NUAK1: variants seen among roughly 807,000 people sequenced by gnomAD.
NUAK1 encodes the protein NUAK family SNF1-like kinase 1.
Under a neutral mutation model 56.9 loss-of-function variants are expected in NUAK1, and 26 were observed. The observed-to-expected ratio is 0.46, with a 90% CI of 0.33 to 0.63. The LOEUF is 0.63. Among genes scored for constraint, NUAK1 ranks in the 30% least tolerant of loss-of-function variants. NUAK1 has a pLI of 0.02. For synonymous variants in NUAK1, 337 were observed against 336.0 expected, an observed-to-expected ratio of 1.00 and a Z score of -0.03; for missense variants, 727 against 876.1, an observed-to-expected ratio of 0.83 and a Z score of 2.15.
intron 2 of NUAK1, among the ~76,000 whole-genome samples, chr12:106,089,110 G>A (rs1011694574): frequency 1.3e-5 from 2 of 152,268 alleles, no homozygotes; most frequent in Non-Finnish European, 2.9e-5. Context: ...CACCCCGACT[G>A]CCTCGGGATG....
intron 1 of NUAK1, among the ~76,000 whole-genome samples, chr12:106,113,034 G>C (rs1004660006): frequency 6.6e-6 from 1 of 152,136 alleles, no homozygotes; most frequent in Non-Finnish European, 1.5e-5. Context: ...AAGCAGATTC[G>C]TGCTTGACTG....
Position 106,086,900 on chromosome 12 carries a change from C to G in NUAK1, c.362-15G>C, listed in dbSNP as rs748619143. The G allele has an allele frequency of 5.0e-6, 8 of 1,605,484 alleles. No individual in the cohort carries two copies. The highest frequency in any genetic ancestry group is 1.7e-4 in the Middle Eastern group (1 of 6,024). On this transcript the variant is annotated splice_polypyrimidine_tract_variant and intron_variant, in intron 2 of 6. Transcript: ENST00000261402. Reference sequence around the variant, plus strand: ...GTTCTCAAACACTGCAGAGGGAAAACAGCAATACACAAACACCCCGTTTAG... The same window carrying G: ...GTTCTCAAACACTGCAGAGGGAAAAGAGCAATACACAAACACCCCGTTTAG...
chr12:106,135,391 A>T (rs1326759178), intron 1 of NUAK1, among the ~76,000 whole-genome samples: 1 of 152,248 alleles, frequency 6.6e-6, no homozygotes, highest in African/African-American at 2.4e-5. Flanking sequence ...CAAGCATCTC[A>T]TTCTGCACTT....
intron 1 of NUAK1, among the ~76,000 whole-genome samples, chr12:106,116,408 A>C (rs1323129331): frequency 1.3e-5 from 2 of 152,232 alleles, no homozygotes; most frequent in African/African-American, 4.8e-5. Flanking sequence ...GGTGATTCAC[A>C]ATAAAAGCTA....
intron 2 of NUAK1, among the ~76,000 whole-genome samples, chr12:106,096,155 T>A (rs2032694775): frequency 6.6e-6 from 1 of 151,820 alleles, no homozygotes; most frequent in Admixed American, 6.6e-5. Context: ...GGCAATAGAG[T>A]CTTTTTTTTT....
intron 2 of NUAK1, among the ~76,000 whole-genome samples, chr12:106,097,657 T>C (rs1213172919): frequency 6.6e-6 from 1 of 152,240 alleles, no homozygotes; most frequent in Non-Finnish European, 1.5e-5. Context: ...ACAGCCCTGC[T>C]TTTGTTTCTA....
intron 1 of NUAK1, among the ~76,000 whole-genome samples, chr12:106,116,480 T>G (rs2032918080): frequency 6.6e-6 from 1 of 152,240 alleles, no homozygotes; most frequent in African/African-American, 2.4e-5. Flanking sequence ...AGTACCTTTC[T>G]GTTAAGCCTC....
chr12:106,120,993 T>C (rs2032968425), intron 1 of NUAK1, among the ~76,000 whole-genome samples: 1 of 152,174 alleles, frequency 6.6e-6, no homozygotes, highest in African/African-American at 2.4e-5. Flanking sequence ...AAAATACTGA[T>C]ACCTGAGTTC....
intron 5 of NUAK1, among the ~76,000 whole-genome samples, chr12:106,071,551 G>C (rs1230718377): frequency 1.3e-5 from 2 of 152,232 alleles, no homozygotes; most frequent in South Asian, 4.1e-4. Flanking sequence ...CGATTCTTTG[G>C]TTTTACAAGA....
intron 1 of NUAK1, among the ~76,000 whole-genome samples, chr12:106,127,214 G>A (rs1230463566): frequency 6.6e-6 from 1 of 152,092 alleles, no homozygotes; most frequent in Non-Finnish European, 1.5e-5. Flanking sequence ...GCCCAGGCTG[G>A]AGTGCAGTGG....
intron 2 of NUAK1, among the ~76,000 whole-genome samples, chr12:106,091,474 A>AG (rs2032634645): frequency 6.6e-6 from 1 of 152,130 alleles, no homozygotes. Flanking sequence ...CCCAGTTTGG[A>AG]GGGGAAGGAA....
At chr12:106,103,895 T>C (rs1321412607) in intron 2 of NUAK1, among the ~76,000 whole-genome samples, 9 of 152,150 alleles carry the variant, frequency 5.9e-5, no homozygotes, top group Admixed American at 5.2e-4. Context: ...AATGTTTGCT[T>C]CCCCTTCCAC....
At chr12:106,093,925 A>C (rs1020928332) in intron 2 of NUAK1, among the ~76,000 whole-genome samples, 3 of 151,786 alleles carry the variant, frequency 2.0e-5, no homozygotes, top group African/African-American at 7.3e-5. Context: ...CAGTCTCCCA[A>C]GTAGCTGGGA....
rs542783329 is a variant in NUAK1, at chr12:106,124,152, G to A, written c.240+14262C>T. On this transcript the variant is annotated intron_variant, in intron 1 of 6. Coordinates refer to ENST00000261402, the MANE Select transcript of NUAK1 (RefSeq NM_014840.3). ...TTTGTTTTTGTTTTGTTTTCTCTGC[G>A]GTTTGCAAAAAGCATCACCAGATGA... Among the ~76,000 whole-genome samples, 21 of 152,136 alleles carry A rather than the reference G, an allele frequency of 1.4e-4. 1 individual carries two copies. The highest frequency in any genetic ancestry group is 3.3e-4 in the Admixed American group (5 of 15,294).
Position 106,066,684 on chromosome 12 carries a change from G to A in NUAK1, c.*118C>T, listed in dbSNP as rs1034627939. On this transcript the variant is annotated 3_prime_UTR_variant, in exon 7 of 7. Coordinates refer to ENST00000261402, the MANE Select transcript of NUAK1 (RefSeq NM_014840.3). ...GCTGCAAACTTGGCCAAGTGAGACAGTGCCAATCCTTTTTCAGTCTGTTGT... is the reference window on the plus strand; with the variant it reads ...GCTGCAAACTTGGCCAAGTGAGACAATGCCAATCCTTTTTCAGTCTGTTGT... 3 of 905,554 alleles carry A rather than the reference G, an allele frequency of 3.3e-6. No homozygotes were observed. The highest frequency in any genetic ancestry group is 5.1e-6 in the Non-Finnish European group (3 of 588,164). 56.1% of individuals were successfully genotyped at this position (905,554 alleles called of 1,614,324 possible).
intron 2 of NUAK1, among the ~76,000 whole-genome samples, chr12:106,094,886 C>T (rs774104541): frequency 1.5e-4 from 23 of 152,086 alleles, no homozygotes; most frequent in East Asian, 5.8e-4. Flanking sequence ...AGGCAGGGGA[C>T]GTGGCCAGGA....
At chr12:106,089,597 G>A (rs1201357511) in intron 2 of NUAK1, among the ~76,000 whole-genome samples, 1 of 152,126 alleles carries the variant, frequency 6.6e-6, no homozygotes, top group African/African-American at 2.4e-5. Flanking sequence ...TCACCAGACT[G>A]GCCAACATGG....
chr12:106,106,960 T>C (rs890172926), intron 1 of NUAK1, among the ~76,000 whole-genome samples: 3 of 152,162 alleles, frequency 2.0e-5, no homozygotes, highest in Admixed American at 2.0e-4. Flanking sequence ...GCAGTGGCTA[T>C]AAAAAATCAT....
intron 1 of NUAK1, among the ~76,000 whole-genome samples, chr12:106,118,583 C>T (rs949036442): frequency 1.3e-5 from 2 of 152,180 alleles, no homozygotes; most frequent in Non-Finnish European, 2.9e-5. Flanking sequence ...CTGGATCAAG[C>T]GTTGCTTTGA....
Sources: allele counts gnomAD v4.1 joint callset (sites outside exome capture counted in the v4.1 genomes callset), GRCh38; gene constraint gnomAD v4.1.1; transcripts MANE v1.5; gene names NCBI Gene and HGNC (gene_info 2026-07-23, HGNC 2026-07-21).